The following ABTB3 variants were observed in gnomAD, a reference collection of about 807,000 sequenced individuals.
ABTB3 encodes the protein ankyrin repeat and BTB domain containing 3, also known as ankyrin repeat- and BTB/POZ domain-containing protein 3.
At chr12:107,578,461 C>T in the ABTB3 span, among the ~76,000 whole-genome samples, 5 of 134,746 alleles carry the variant, frequency 3.7e-5, no homozygotes, top group African/African-American at 1.2e-4. Flanking sequence ...CCCTGGGCCT[C>T]GCTTGGCATC....
At chr12:107,596,619 A>AAACAAC in the ABTB3 span, among the ~76,000 whole-genome samples, 1 of 152,128 alleles carries the variant, frequency 6.6e-6, no homozygotes, top group Non-Finnish European at 1.5e-5. Context: ...CATCTCAAAA[A>AAACAAC]AACAACAACA....
At chr12:107,505,784 G>A in the ABTB3 span, among the ~76,000 whole-genome samples, 2 of 152,138 alleles carry the variant, frequency 1.3e-5, no homozygotes, top group African/African-American at 4.8e-5. Flanking sequence ...AGAAAATGCA[G>A]CATTTAATTT....
chr12:107,585,016 G>C, the ABTB3 span, among the ~76,000 whole-genome samples: 1 of 152,044 alleles, frequency 6.6e-6, no homozygotes, highest in East Asian at 1.9e-4. Flanking sequence ...GCAGTGGAAG[G>C]GAAGAAAAGA....
the ABTB3 span, among the ~76,000 whole-genome samples, chr12:107,499,244 A>T: frequency 6.6e-6 from 1 of 152,128 alleles, no homozygotes; most frequent in East Asian, 1.9e-4. Context: ...CAAAATGGGT[A>T]ATTACATCTG....
chr12:107,630,410 C>G, the ABTB3 span, among the ~76,000 whole-genome samples: 1 of 150,822 alleles, frequency 6.6e-6, no homozygotes, highest in African/African-American at 2.4e-5. Flanking sequence ...AGCCTCCACC[C>G]TCCCTCTTTC....
At chr12:107,377,195 G>A in the ABTB3 span, among the ~76,000 whole-genome samples, 1 of 152,176 alleles carries the variant, frequency 6.6e-6, no homozygotes, top group Non-Finnish European at 1.5e-5. Flanking sequence ...GGGACTGATT[G>A]ATGTAGGGGT....
chr12:107,599,255 A>G, the ABTB3 span, among the ~76,000 whole-genome samples: 4 of 152,292 alleles, frequency 2.6e-5, no homozygotes, highest in East Asian at 7.7e-4. Flanking sequence ...GCCTCAGCCT[A>G]ACAAAAACAG....
the ABTB3 span, among the ~76,000 whole-genome samples, chr12:107,563,946 G>A: frequency 6.6e-6 from 1 of 152,186 alleles, no homozygotes; most frequent in Non-Finnish European, 1.5e-5. Context: ...GCTATAATTG[G>A]ACGACCAGAT....
the ABTB3 span, among the ~76,000 whole-genome samples, chr12:107,381,090 C>CT: frequency 1.2e-4 from 6 of 49,622 alleles, no homozygotes; most frequent in African/African-American, 4.3e-4. Flanking sequence ...ACACTACCCA[C>CT]CCCCCATCAT....
At chr12:107,501,165 A>C in the ABTB3 span, among the ~76,000 whole-genome samples, 1 of 152,238 alleles carries the variant, frequency 6.6e-6, no homozygotes, top group African/African-American at 2.4e-5. Context: ...GTAAAGCATT[A>C]ACATTGAATA....
At chr12:107,643,199 A>G in the ABTB3 span, among the ~76,000 whole-genome samples, 1 of 152,042 alleles carries the variant, frequency 6.6e-6, no homozygotes, top group African/African-American at 2.4e-5. Context: ...TAAGCCCAGG[A>G]GTTCTAGACC....
At chr12:107,438,007 A>G in the ABTB3 span, among the ~76,000 whole-genome samples, 4,313 of 152,086 alleles carry the variant, frequency 0.028, 107 homozygotes, top group Non-Finnish European at 0.043. Flanking sequence ...ACTGATTTGC[A>G]TTTTGCCTGT....
chr12:107,474,306 C>T, the ABTB3 span, among the ~76,000 whole-genome samples: 2 of 152,148 alleles, frequency 1.3e-5, no homozygotes, highest in African/African-American at 2.4e-5. Flanking sequence ...CAGCTGTCTG[C>T]CACCGCCGAG....
chr12:107,552,611 G>T, the ABTB3 span, among the ~76,000 whole-genome samples: 3 of 152,326 alleles, frequency 2.0e-5, no homozygotes, highest in East Asian at 5.8e-4. Flanking sequence ...AGTCAAAAGA[G>T]ATCTTAGAAC....
At chr12:107,468,566 G>A in the ABTB3 span, among the ~76,000 whole-genome samples, 1 of 152,126 alleles carries the variant, frequency 6.6e-6, no homozygotes, top group Non-Finnish European at 1.5e-5. Context: ...CTGGGTGAGA[G>A]AGAACCATCT....
chr12:107,415,624 C>T, the ABTB3 span, among the ~76,000 whole-genome samples: 30 of 151,882 alleles, frequency 2.0e-4, no homozygotes, highest in African/African-American at 5.8e-4. Context: ...AGGAGAATGG[C>T]GTGAACCCAG....
chr12:107,361,305 A>G, the ABTB3 span, among the ~76,000 whole-genome samples: 2 of 152,126 alleles, frequency 1.3e-5, no homozygotes, highest in South Asian at 4.1e-4. Context: ...ACAAGATAGA[A>G]TCATATTGCA....
the ABTB3 span, among the ~76,000 whole-genome samples, chr12:107,593,744 C>T: frequency 2.6e-5 from 4 of 152,210 alleles, no homozygotes; most frequent in Non-Finnish European, 4.4e-5. Flanking sequence ...GGCAACTCCA[C>T]GAGGTTGGGG....
the ABTB3 span, among the ~76,000 whole-genome samples, chr12:107,390,575 G>C: frequency 6.6e-6 from 1 of 152,182 alleles, no homozygotes; most frequent in South Asian, 2.1e-4. Context: ...GTCAGTACTG[G>C]TTTCTGCCCT....
Sources: allele counts gnomAD v4.1 joint callset (sites outside exome capture counted in the v4.1 genomes callset), GRCh38; gene constraint gnomAD v4.1.1; transcripts MANE v1.5; gene names NCBI Gene and HGNC (gene_info 2026-07-23, HGNC 2026-07-21).